The following DMD variants were observed in gnomAD, a reference collection of about 807,000 sequenced individuals.
The protein encoded by DMD is mutant dystrophin.
Under a neutral mutation model 330.1 loss-of-function variants are expected in DMD, and 63 were observed. The ratio of observed to expected loss-of-function variants is 0.19; its 90% CI spans 0.16 to 0.24. The LOEUF is 0.24. Among genes scored for constraint, DMD ranks in the 10% least tolerant of loss-of-function variants. The probability of loss-of-function intolerance (pLI) is 1.00; values close to 1 mark genes in which losing one functional copy is unlikely to be tolerated. For synonymous variants in DMD, 1,223 were observed against 959.8 expected (o/e 1.27, Z -5.07); for missense variants, 3,344 against 2,684.1 (o/e 1.25, Z -5.43).
intron 45 of DMD, among the ~76,000 whole-genome samples, chrX:31,942,378 T>C (rs1008435656): frequency 8.9e-5 from 10 of 112,149 alleles, no homozygotes; most frequent in African/African-American, 3.2e-4. Context: ...AACATCCTAG[T>C]GCCAATGGGA....
intron 60 of DMD, among the ~76,000 whole-genome samples, chrX:31,357,697 G>A (rs2058739122): frequency 9.0e-6 from 1 of 110,972 alleles, no homozygotes; most frequent in Admixed American, 9.6e-5. Context: ...CAGTCAATTT[G>A]ACCACCACTC....
intron 60 of DMD, among the ~76,000 whole-genome samples, chrX:31,444,154 G>T (rs1041043787): frequency 9.0e-6 from 1 of 110,768 alleles, no homozygotes; most frequent in South Asian, 3.9e-4. Flanking sequence ...GCAGCCTGAC[G>T]CCCTCGCCAG....
intron 9 of DMD, among the ~76,000 whole-genome samples, chrX:32,652,432 C>T (rs766065828): frequency 8.3e-5 from 9 of 109,065 alleles, no homozygotes; most frequent in Non-Finnish European, 1.3e-4. Context: ...TGATGGTCTC[C>T]AGCTTCATCC....
At chrX:33,084,639 G>A (rs1258158075) in intron 1 of DMD, among the ~76,000 whole-genome samples, 1 of 111,185 alleles carries the variant, frequency 9.0e-6, no homozygotes, top group Non-Finnish European at 1.9e-5. Context: ...TGCAGGGTCT[G>A]CAAATTATCT....
intron 44 of DMD, among the ~76,000 whole-genome samples, chrX:32,165,207 C>T (rs896154415): frequency 1.8e-5 from 2 of 112,468 alleles, no homozygotes; most frequent in African/African-American, 6.5e-5. Flanking sequence ...GAGCGATCAA[C>T]AGCTTGCACC....
intron 9 of DMD, among the ~76,000 whole-genome samples, chrX:32,684,664 A>G (rs116074810): frequency 0.016 from 1,835 of 111,515 alleles, 43 homozygotes; most frequent in African/African-American, 0.056. Flanking sequence ...CCTATCTGGT[A>G]GTTAAAAATA....
chrX:32,361,675 T>C (rs997801319), intron 37 of DMD, among the ~76,000 whole-genome samples: 1 of 111,754 alleles, frequency 8.9e-6, no homozygotes, highest in African/African-American at 3.2e-5. Flanking sequence ...TGAGACACTG[T>C]AATGCCTTAG....
intron 47 of DMD, among the ~76,000 whole-genome samples, chrX:31,918,932 C>T (rs989252369): frequency 8.9e-6 from 1 of 112,128 alleles, no homozygotes; most frequent in African/African-American, 3.2e-5. Flanking sequence ...CCACCGTGCC[C>T]AGCCTCAACA....
chrX:32,523,612 C>T lies in DMD; in HGVS notation c.2169-5481G>A, dbSNP rs551387750. ...TTTGTCCAATCACATTCCTACATGG[C>T]TGTCTACTCTTTATCAACTCTAAGC... On this transcript the variant is annotated intron_variant, in intron 17 of 78. Transcript: ENST00000357033. Among the ~76,000 whole-genome samples, 74 of 112,273 alleles carry T rather than the reference C, an allele frequency of 6.6e-4. 1 individual carries two copies. The South Asian group carries it at 0.027, about 41-fold the overall frequency.
At chrX:32,156,056 TTAAAA>T (rs1282348671) in intron 44 of DMD, among the ~76,000 whole-genome samples, 3 of 103,694 alleles carry the variant, frequency 2.9e-5, no homozygotes, top group Non-Finnish European at 2.0e-5. Flanking sequence ...TATCAATGAG[TTAAAA>T]TAAAGTGTGC....
At chrX:32,280,165 G>GTATA (rs201359021) in intron 43 of DMD, among the ~76,000 whole-genome samples, 480 of 22,169 alleles carry the variant, frequency 0.022, 4 homozygotes, top group South Asian at 0.037. Context: ...TATATATACA[G>GTATA]TATATATATA....
intron 48 of DMD, among the ~76,000 whole-genome samples, chrX:31,852,281 G>A (rs2093541724): frequency 8.9e-6 from 1 of 111,910 alleles, no homozygotes; most frequent in Non-Finnish European, 1.9e-5. Context: ...TCTTAAGGGG[G>A]TACAATCTGC....
rs368996545 is a variant in DMD at position 31,146,366 on chromosome X, T to G, written c.10846A>C (p.Thr3616Pro). 7 of 1,210,464 alleles carry G rather than the reference T, an allele frequency of 5.8e-6. No individual in the cohort carries two copies. Among genetic ancestry groups the G allele is most frequent in the Non-Finnish European group, 6.7e-6 (6 of 894,620 alleles). ...VNGTTVSSPSTSLQRSDSSQP... is the reference protein window; with the variant it reads ...VNGTTVSSPSPSLQRSDSSQP... ...CTGCTGTCGGACCTCTGTAGAGAGG[T>G]AGAAGGAGAGGACACCGTTGTGCCA... The change falls in exon 76 of 79, where the codon ACC (threonine) becomes CCC (proline). Residue 3616 changes from threonine to proline, a missense_variant. By Grantham distance (38) the Thr-to-Pro change is conservative. Coordinates refer to ENST00000357033, the MANE Select transcript of DMD (RefSeq NM_004006.3).
chrX:31,832,943 A>G (rs1321740396), intron 49 of DMD, among the ~76,000 whole-genome samples: 2 of 111,837 alleles, frequency 1.8e-5, no homozygotes, highest in East Asian at 5.6e-4. Flanking sequence ...AAGACAGTTA[A>G]AAATACAATT....
At chrX:32,661,922 T>C (rs778931433) in intron 9 of DMD, among the ~76,000 whole-genome samples, 3 of 111,801 alleles carry the variant, frequency 2.7e-5, no homozygotes, top group East Asian at 2.8e-4. Context: ...TTTGTTGGTA[T>C]ATAATCATAC....
chrX:33,059,485 A>C (rs2094557204), intron 1 of DMD, among the ~76,000 whole-genome samples: 1 of 111,174 alleles, frequency 9.0e-6, no homozygotes, highest in Non-Finnish European at 1.9e-5. Context: ...GTTACAGAGC[A>C]AATGAATAAT....
At chrX:32,658,318 T>C (rs929796305) in intron 9 of DMD, among the ~76,000 whole-genome samples, 1 of 111,376 alleles carries the variant, frequency 9.0e-6, no homozygotes, top group Non-Finnish European at 1.9e-5. Context: ...TTATTCTTCC[T>C]GTTATTTGAT....
chrX:33,266,993 CA>C (rs1425930270), intron 1 of DMD, among the ~76,000 whole-genome samples: 2 of 110,107 alleles, frequency 1.8e-5, no homozygotes, highest in African/African-American at 6.6e-5. Context: ...AAGTCCTAGC[CA>C]CAGCAATTAG....
chrX:31,939,993 A>G (rs1031620224), intron 45 of DMD, among the ~76,000 whole-genome samples: 2 of 112,094 alleles, frequency 1.8e-5, no homozygotes, highest in Non-Finnish European at 3.8e-5. Context: ...TGCAACAGCC[A>G]TTTATTGAGG....
Sources: allele counts gnomAD v4.1 joint callset (sites outside exome capture counted in the v4.1 genomes callset), GRCh38; gene constraint gnomAD v4.1.1; transcripts MANE v1.5; gene names NCBI Gene and HGNC (gene_info 2026-07-23, HGNC 2026-07-21).